NHS: variants seen among roughly 807,000 people sequenced by gnomAD.
NHS encodes actin remodeling regulator NHS.
In NHS, 5 loss-of-function variants were observed where a neutral mutation model predicts 72.5. The ratio of observed to expected loss-of-function variants is 0.07; its 90% CI spans 0.04 to 0.14. NHS has a LOEUF of 0.14. Ranked by LOEUF, NHS falls within the 10% of genes least tolerant of loss-of-function variation. The probability of loss-of-function intolerance (pLI) is 1.00; values close to 1 mark genes in which losing one functional copy is unlikely to be tolerated. For missense variants in NHS, 1,072 were observed against 1,355.7 expected, an observed-to-expected ratio of 0.79 and a Z score of 3.29; for synonymous variants, 464 against 547.7, an observed-to-expected ratio of 0.85 and a Z score of 2.13.
At chrX:17,699,756 G>A (rs1163003937) in intron 3 of NHS, among the ~76,000 whole-genome samples, 15 of 111,745 alleles carry the variant, frequency 1.3e-4, no homozygotes, top group African/African-American at 3.3e-5. Context: ...ATGGATCAGG[G>A]ACCTAAACCT....
At chrX:17,470,033 G>C (rs996978808) in intron 1 of NHS, among the ~76,000 whole-genome samples, 4 of 111,341 alleles carry the variant, frequency 3.6e-5, no homozygotes, top group Non-Finnish European at 7.5e-5. Flanking sequence ...GGGGCAAGCA[G>C]GCCTACACAG....
At chrX:17,546,401 A>C (rs1287545659) in intron 1 of NHS, among the ~76,000 whole-genome samples, 1 of 112,129 alleles carries the variant, frequency 8.9e-6, no homozygotes, top group Non-Finnish European at 1.9e-5. Context: ...GTGGGTTTGA[A>C]ACTGAGAGAC....
chrX:17,469,873 C>T (rs1345227492), intron 1 of NHS, among the ~76,000 whole-genome samples: 1 of 111,976 alleles, frequency 8.9e-6, no homozygotes, highest in Non-Finnish European at 1.9e-5. Context: ...AAACTCCTTA[C>T]CTCAGGTGAT....
At chrX:17,581,907 G>A (rs181210896) in intron 1 of NHS, among the ~76,000 whole-genome samples, 56 of 111,653 alleles carry the variant, frequency 5.0e-4, no homozygotes, top group Non-Finnish European at 7.7e-4. Context: ...ATTTAGTGAC[G>A]TTAATCTCTC....
intron 1 of NHS, among the ~76,000 whole-genome samples, chrX:17,657,405 A>G (rs1338003547): frequency 0.028 from 3 of 106 alleles, no homozygotes; most frequent in Non-Finnish European, 0.051. Context: ...TGAGCAAGGC[A>G]AAGATAACGA....
At chrX:17,723,770 T>C (rs377479108) in intron 5 of NHS, among the ~76,000 whole-genome samples, 1,809 of 91,244 alleles carry the variant, frequency 0.02, 74 homozygotes, top group African/African-American at 0.081. Flanking sequence ...TGTGTGTGTG[T>C]GCGCGCGCGT....
chrX:17,454,200 T>C (rs976542111), intron 1 of NHS, among the ~76,000 whole-genome samples: 2 of 111,955 alleles, frequency 1.8e-5, no homozygotes, highest in African/African-American at 6.5e-5. Context: ...ATAGGCTATT[T>C]GATAGCATTG....
intron 1 of NHS, among the ~76,000 whole-genome samples, chrX:17,550,860 A>G (rs917444018): frequency 1.8e-5 from 2 of 110,805 alleles, no homozygotes; most frequent in African/African-American, 6.6e-5. Flanking sequence ...GGCCCACAAG[A>G]CCCTATGTGA....
At chrX:17,588,283 C>T (rs1016025063) in intron 1 of NHS, among the ~76,000 whole-genome samples, 1 of 111,598 alleles carries the variant, frequency 9.0e-6, no homozygotes, top group Non-Finnish European at 1.9e-5. Flanking sequence ...TCCTAGATGC[C>T]AGGGTTGGGG....
chrX:17,574,304 C>T (rs2065497912), intron 1 of NHS, among the ~76,000 whole-genome samples: 2 of 112,587 alleles, frequency 1.8e-5, no homozygotes, highest in South Asian at 7.4e-4. Flanking sequence ...TCTAGAGAGA[C>T]AGTCGGCCTT....
intron 1 of NHS, among the ~76,000 whole-genome samples, chrX:17,645,418 G>A (rs1277750525): frequency 4.5e-5 from 5 of 111,668 alleles, no homozygotes; most frequent in Middle Eastern, 4.6e-3. Flanking sequence ...AATGAGCTTC[G>A]GAACACTTCA....
chrX:17,649,159 C>G (rs1322325886), intron 1 of NHS, among the ~76,000 whole-genome samples: 1 of 111,751 alleles, frequency 8.9e-6, no homozygotes, highest in Non-Finnish European at 1.9e-5. Flanking sequence ...ATTTTTCAAC[C>G]TGGGATCTTT....
intron 1 of NHS, among the ~76,000 whole-genome samples, chrX:17,617,558 G>A (rs1054747369): frequency 8.9e-6 from 1 of 112,336 alleles, no homozygotes; most frequent in African/African-American, 3.2e-5. Context: ...GACCAAAAAT[G>A]TTTGGGAACA....
intron 1 of NHS, among the ~76,000 whole-genome samples, chrX:17,381,457 T>C (rs1472701634): frequency 9.0e-6 from 1 of 111,607 alleles, no homozygotes; most frequent in Non-Finnish European, 1.9e-5. Context: ...CCACCTTCAG[T>C]CAATATCCCC....
chrX:17,718,606 A>G (rs963865665), intron 3 of NHS, among the ~76,000 whole-genome samples: 1 of 93,380 alleles, frequency 1.1e-5, no homozygotes, highest in Non-Finnish European at 2.2e-5. Context: ...GAAAGAAGGA[A>G]GGAAGAAATT....
At chrX:17,546,796 A>T in intron 1 of NHS, among the ~76,000 whole-genome samples, 1 of 112,487 alleles carries the variant, frequency 8.9e-6, no homozygotes, top group Non-Finnish European at 1.9e-5. Context: ...CGTAGAAATG[A>T]GTTTAGCTTT....
intron 1 of NHS, among the ~76,000 whole-genome samples, chrX:17,552,722 G>A (rs73443659): frequency 0.057 from 6,394 of 111,663 alleles, 407 homozygotes; most frequent in African/African-American, 0.19. Context: ...AAGGCAGAGC[G>A]ATGCTCAGAT....
rs972522687 is a variant in NHS at position 17,687,743 on chromosome X, C to G, written c.567C>G (p.Pro189=). 7.4e-6 allele frequency: 9 copies of G among 1,210,133 alleles called. No homozygotes were observed. In the African/African-American group the frequency reaches 8.8e-5, roughly 12 times the overall value. The change falls in exon 2 of 9, where the codon CCC becomes CCG. Residue 189 remains proline (P), a splice_region_variant and synonymous_variant. Transcript: ENST00000676302. ...AACGCCCTGTTTCTTGTCTTGCAGC[C>G]GTCTCCAACCTGGACATAGAGAGTA... ...STLDPKQEAV[P]VSNLDIESKL... is the part of the protein sequence containing the mutation.
chrX:17,378,085 T>TGTGTGTGTGTGTGTGA (rs1491390890), intron 1 of NHS, among the ~76,000 whole-genome samples: 2 of 104,423 alleles, frequency 1.9e-5, no homozygotes, highest in African/African-American at 6.8e-5. Flanking sequence ...TGTGTGTGTG[T>TGTGTGTGTGTGTGTGA]GAGACACACC....
Sources: gnomAD v4.1 joint callset for allele counts (sites outside exome capture counted in the v4.1 genomes callset) on GRCh38, gnomAD v4.1.1 for gene constraint, MANE v1.5 for transcripts, NCBI Gene and HGNC (gene_info 2026-07-23, HGNC 2026-07-21) for gene names.